SLC9B1: variants seen among roughly 807,000 people sequenced by gnomAD.
SLC9B1 encodes the protein sodium/hydrogen exchanger 9B1.
In SLC9B1, 32 loss-of-function variants were observed where a neutral mutation model predicts 51.7. The ratio of observed to expected loss-of-function variants is 0.62; its 90% CI spans 0.47 to 0.83. The LOEUF (loss-of-function observed/expected upper bound fraction) is 0.83. Ranked by LOEUF, SLC9B1 falls within the 40% of genes least tolerant of loss-of-function variation. The pLI is 0.00. For synonymous variants in SLC9B1, 145 were observed against 212.7 expected (o/e 0.68, Z 2.77); for missense variants, 406 against 613.2 (o/e 0.66, Z 3.57).
At chr4:102,910,340 T>C (rs1157090832) in intron 9 of SLC9B1, 99 bp downstream of exon 9, 22 of 1,095,190 alleles carry the variant, frequency 2.0e-5, no homozygotes, top group East Asian at 3.3e-5. Flanking sequence ...CAGAAAACCT[T>C]TTGGAACATT....
chr4:102,926,050 T>C (rs1316152783), intron 7 of SLC9B1, among the ~76,000 whole-genome samples: 14 of 152,270 alleles, frequency 9.2e-5, no homozygotes, highest in Admixed American at 8.5e-4. Context: ...TCAACACTCC[T>C]TCATGCTAAA....
chr4:102,968,258 T>C (rs1354727322), intron 3 of SLC9B1, among the ~76,000 whole-genome samples: 9 of 152,168 alleles, frequency 5.9e-5, no homozygotes, highest in Admixed American at 5.9e-4. Context: ...AAAAAGATGT[T>C]CTTTCAACAA....
At chr4:102,974,042 C>T (rs1340782588) in intron 3 of SLC9B1, among the ~76,000 whole-genome samples, 2 of 151,790 alleles carry the variant, frequency 1.3e-5, no homozygotes, top group East Asian at 1.9e-4. Context: ...TCAAGACCAG[C>T]TTGGCCAACA....
chr4:102,904,248 C>T (rs182220107), intron 11 of SLC9B1, among the ~76,000 whole-genome samples: 13 of 151,692 alleles, frequency 8.6e-5, no homozygotes, highest in Non-Finnish European at 1.8e-4. Context: ...TTTGTAGAGA[C>T]GAGGTTTTAC....
Position 102,946,761 on chromosome 4 carries a change from C to A in SLC9B1, c.411G>T (p.Arg137Ser). The change falls in exon 5 of 12, where the codon AGG (arginine) becomes AGT (serine). Residue 137 changes from arginine (R) to serine (S), a missense_variant. Coordinates refer to ENST00000296422, the MANE Select transcript of SLC9B1 (RefSeq NM_139173.4). ...CATGTTCATTGATGAATGGAACATT[C>A]CTAATCGTAAAACCAGCCAGTAACA... ...LGMLLAGFTI[R>S]NVPFINEHVH... The A allele has an allele frequency of 1.2e-6, 2 of 1,601,340 alleles. No individual in the cohort carries two copies. The highest frequency in any genetic ancestry group is 1.7e-6 in the Non-Finnish European group (2 of 1,176,686).
chr4:102,970,355 T>C (rs947354142), intron 3 of SLC9B1, among the ~76,000 whole-genome samples: 3 of 152,186 alleles, frequency 2.0e-5, no homozygotes, highest in African/African-American at 7.2e-5. Context: ...AAGAAAAGAA[T>C]TTTCAACTCA....
intron 3 of SLC9B1, among the ~76,000 whole-genome samples, chr4:102,968,763 G>T (rs1217884218): frequency 6.6e-6 from 1 of 152,224 alleles, no homozygotes; most frequent in African/African-American, 2.4e-5. Context: ...GGGGTCGGGG[G>T]ATTTCCCTTT....
intron 2 of SLC9B1, among the ~76,000 whole-genome samples, chr4:102,991,170 T>C (rs901928651): frequency 6.6e-6 from 1 of 152,190 alleles, no homozygotes; most frequent in African/African-American, 2.4e-5. Flanking sequence ...TAGAAATCTC[T>C]ATTTTAAAAA....
At chr4:102,948,788 G>T (rs759445121) in intron 4 of SLC9B1, among the ~76,000 whole-genome samples, 1 of 152,124 alleles carries the variant, frequency 6.6e-6, no homozygotes, top group Non-Finnish European at 1.5e-5. Flanking sequence ...CCTAAAGATG[G>T]AAATAATAGA....
At chr4:102,995,986 A>AT (rs1185259911) in intron 1 of SLC9B1, among the ~76,000 whole-genome samples, 1 of 152,204 alleles carries the variant, frequency 6.6e-6, no homozygotes, top group Non-Finnish European at 1.5e-5. Flanking sequence ...AAGTTAAGTA[A>AT]TTTAACTTTC....
chr4:102,931,375 T>G (rs187598654), intron 7 of SLC9B1, among the ~76,000 whole-genome samples: 1 of 152,076 alleles, frequency 6.6e-6, no homozygotes, highest in Admixed American at 6.6e-5. Flanking sequence ...TGGATTTATA[T>G]CAAAAGGTTC....
intron 7 of SLC9B1, among the ~76,000 whole-genome samples, chr4:102,928,875 A>T (rs1288881241): frequency 4.6e-5 from 7 of 152,194 alleles, no homozygotes; most frequent in Non-Finnish European, 8.8e-5. Context: ...CCAAGAGTCC[A>T]AAAGCCAAAG....
chr4:102,946,604 A>G, intron 5 of SLC9B1, 43 bp downstream of exon 5: 1 of 1,580,152 alleles, frequency 6.3e-7, no homozygotes, highest in Non-Finnish European at 8.6e-7. Flanking sequence ...ACCGTCCTCT[A>G]ATATTTGAAA....
At position 102,922,414 on chromosome 4, in the gene SLC9B1, T is replaced by C. The variant is rs577750644; in HGVS notation, c.829+9710A>G. ...TCTCTGGGACACATTTAAAGCAGTG[T>C]GTAGAGGGAAATTTATAGCACTAAA... On this transcript the variant is annotated intron_variant, in intron 7 of 11. Transcript: ENST00000296422. 1.6e-4 allele frequency among the ~76,000 whole-genome samples: 24 copies of C among 152,272 alleles called. 1 individual carries two copies. In the South Asian group the frequency reaches 3.5e-3, roughly 22 times the overall value.
At chr4:102,909,683 T>C (rs1473213905) in intron 9 of SLC9B1, among the ~76,000 whole-genome samples, 17 of 152,306 alleles carry the variant, frequency 1.1e-4, no homozygotes, top group Non-Finnish European at 1.5e-4. Context: ...TTAATGTCTA[T>C]AAATAGAATA....
intron 6 of SLC9B1, among the ~76,000 whole-genome samples, chr4:102,943,542 C>T (rs1299426712): frequency 6.6e-6 from 1 of 151,504 alleles, no homozygotes; most frequent in African/African-American, 2.4e-5. Flanking sequence ...CACACACCAT[C>T]GACAGAATAC....
At chr4:102,952,768 C>A (rs1311663580) in intron 3 of SLC9B1, among the ~76,000 whole-genome samples, 1 of 69,522 alleles carries the variant, frequency 1.4e-5, no homozygotes, top group Non-Finnish European at 2.8e-5. Context: ...TAAATGTCTT[C>A]TTTTGAGAAG....
At chr4:102,975,136 G>C (rs1738984148) in intron 3 of SLC9B1, among the ~76,000 whole-genome samples, 1 of 152,044 alleles carries the variant, frequency 6.6e-6, no homozygotes, top group South Asian at 2.1e-4. Context: ...TGAGTAGCTG[G>C]GACTACAGGC....
chr4:102,904,065 T>C (rs1734912460), intron 11 of SLC9B1, among the ~76,000 whole-genome samples: 1 of 151,486 alleles, frequency 6.6e-6, no homozygotes, highest in African/African-American at 2.4e-5. Flanking sequence ...TACTTTACTT[T>C]TTTTTTTTTT....
Sources: gnomAD v4.1 joint callset for allele counts (sites outside exome capture counted in the v4.1 genomes callset) on GRCh38, gnomAD v4.1.1 for gene constraint, MANE v1.5 for transcripts, NCBI Gene and HGNC (gene_info 2026-07-23, HGNC 2026-07-21) for gene names.